MGAT4C: variants seen among roughly 807,000 people sequenced by gnomAD.
MGAT4C encodes alpha-1,3-mannosyl-glycoprotein 4-beta-N-acetylglucosaminyltransferase C.
Under a neutral mutation model 40.1 loss-of-function variants are expected in MGAT4C, and 19 were observed. That is an observed-to-expected ratio of 0.47 (90% CI 0.33 to 0.70). The LOEUF (loss-of-function observed/expected upper bound fraction) is 0.70, where lower values mean the gene tolerates loss of function less well. Ranked by LOEUF, MGAT4C falls within the 30% of genes least tolerant of loss-of-function variation. MGAT4C has a pLI of 0.02. For missense variants in MGAT4C, 491 were observed against 563.2 expected (o/e 0.87, Z 1.30); for synonymous variants, 181 against 187.1 (o/e 0.97, Z 0.27).
intron 2 of MGAT4C, among the ~76,000 whole-genome samples, chr12:86,682,228 G>A (rs533381632): frequency 6.6e-6 from 1 of 152,048 alleles, no homozygotes; most frequent in African/African-American, 2.4e-5. Context: ...AGTAAAACCA[G>A]GCAGTAGATA....
chr12:86,396,584 T>G (rs1222208467), intron 3 of MGAT4C, among the ~76,000 whole-genome samples: 1 of 152,126 alleles, frequency 6.6e-6, no homozygotes, highest in Non-Finnish European at 1.5e-5. Context: ...AAGTATATTT[T>G]CTAAACAAAC....
chr12:86,682,733 A>G (rs528517255), intron 2 of MGAT4C, among the ~76,000 whole-genome samples: 1 of 152,198 alleles, frequency 6.6e-6, no homozygotes, highest in African/African-American at 2.4e-5. Flanking sequence ...CACAGAGAAT[A>G]AATGATTCCA....
At chr12:86,507,124 T>C (rs140340389) in intron 2 of MGAT4C, among the ~76,000 whole-genome samples, 25 of 152,288 alleles carry the variant, frequency 1.6e-4, no homozygotes, top group African/African-American at 6.0e-4. Context: ...TTGCACTAAT[T>C]TTTAACACAA....
At chr12:86,211,406 C>CAAAAAAAAAAAAAAAAA (rs58874795) in intron 1 of MGAT4C, among the ~76,000 whole-genome samples, 1 of 35,514 alleles carries the variant, frequency 2.8e-5, no homozygotes. Context: ...ACTACAAATA[C>CAAAAAAAAAAAAAAAAA]AAAAAAAAAA....
At chr12:86,773,499 T>C (rs1024047752) in intron 1 of MGAT4C, among the ~76,000 whole-genome samples, 38 of 152,256 alleles carry the variant, frequency 2.5e-4, no homozygotes, top group African/African-American at 9.1e-4. Flanking sequence ...CAAACTAATA[T>C]AGAAGGCAAC....
At chr12:86,794,332 C>A (rs1952076107) in intron 1 of MGAT4C, among the ~76,000 whole-genome samples, 1 of 151,512 alleles carries the variant, frequency 6.6e-6, no homozygotes, top group Non-Finnish European at 1.5e-5. Flanking sequence ...TCATGGATAT[C>A]ATCAGAAATT....
In MGAT4C at chr12:86,624,772, G is replaced by T. The variant is rs1007480598; in HGVS notation, c.-229+102437C>A. Among the ~76,000 whole-genome samples the T allele has an allele frequency of 7.2e-5, 11 of 152,086 alleles. No homozygotes were observed. In the South Asian group the frequency reaches 1.0e-3, roughly 14 times the overall value. On this transcript the variant is annotated intron_variant, in intron 2 of 7. Transcript: ENST00000548651. Reference sequence around the variant, plus strand: ...ATAAGAAAAGCACAGACAGAGAAAGGTATGGTCTATGTATGGGGAAAAAAG... The same window carrying T: ...ATAAGAAAAGCACAGACAGAGAAAGTTATGGTCTATGTATGGGGAAAAAAG...
At chr12:86,433,908 G>A (rs1222266604) in intron 3 of MGAT4C, among the ~76,000 whole-genome samples, 3 of 151,918 alleles carry the variant, frequency 2.0e-5, no homozygotes, top group African/African-American at 7.2e-5. Context: ...AATCTATACA[G>A]ATGTTAGGTT....
At chr12:86,740,218 G>A (rs532494592) in intron 1 of MGAT4C, among the ~76,000 whole-genome samples, 2 of 151,132 alleles carry the variant, frequency 1.3e-5, no homozygotes, top group African/African-American at 2.4e-5. Flanking sequence ...AGATTATTAT[G>A]AGAAATGTGG....
intron 1 of MGAT4C, among the ~76,000 whole-genome samples, chr12:86,082,344 A>C (rs1024162546): frequency 6.6e-6 from 1 of 152,150 alleles, no homozygotes; most frequent in Non-Finnish European, 1.5e-5. Flanking sequence ...TCTTTTTAGC[A>C]TTGCTGTGTC....
chr12:86,189,652 C>A (rs573262310), intron 1 of MGAT4C, among the ~76,000 whole-genome samples: 19 of 151,996 alleles, frequency 1.3e-4, no homozygotes, highest in South Asian at 2.1e-4. Context: ...CTTAAAAGCT[C>A]TTTACCTTTG....
intron 3 of MGAT4C, among the ~76,000 whole-genome samples, chr12:86,365,118 A>G (rs1034087208): frequency 2.0e-5 from 3 of 152,114 alleles, no homozygotes; most frequent in African/African-American, 7.2e-5. Flanking sequence ...TGAAGTGGCC[A>G]TTTCAGAGGT....
chr12:86,133,569 A>G (rs1881540902), intron 1 of MGAT4C, among the ~76,000 whole-genome samples: 1 of 152,184 alleles, frequency 6.6e-6, no homozygotes, highest in African/African-American at 2.4e-5. Flanking sequence ...CTGGATTAAT[A>G]ACAGAATTAA....
chr12:86,628,392 A>G (rs986851533), intron 2 of MGAT4C, among the ~76,000 whole-genome samples: 3 of 152,188 alleles, frequency 2.0e-5, no homozygotes, highest in African/African-American at 7.2e-5. Flanking sequence ...GGAAATACAG[A>G]GAACACCACA....
At chr12:86,281,160 T>TTA (rs1953209758) in intron 4 of MGAT4C, among the ~76,000 whole-genome samples, 2 of 152,048 alleles carry the variant, frequency 1.3e-5, no homozygotes, top group Non-Finnish European at 2.9e-5. Flanking sequence ...TCCCTTCTTT[T>TTA]GGTAGTTTTT....
chr12:86,319,764 A>G (rs979648656), intron 4 of MGAT4C, among the ~76,000 whole-genome samples: 1 of 152,190 alleles, frequency 6.6e-6, no homozygotes, highest in African/African-American at 2.4e-5. Flanking sequence ...AGGAAATATT[A>G]TATTAGCATC....
At chr12:86,796,159 G>A (rs187054859) in intron 1 of MGAT4C, among the ~76,000 whole-genome samples, 4 of 142,474 alleles carry the variant, frequency 2.8e-5, no homozygotes, top group Non-Finnish European at 4.6e-5. Flanking sequence ...TTTTTTTCAT[G>A]TCTGCTGTCT....
chr12:86,804,956 T>C (rs1322187286), intron 1 of MGAT4C, among the ~76,000 whole-genome samples: 2 of 152,030 alleles, frequency 1.3e-5, no homozygotes, highest in Non-Finnish European at 2.9e-5. Context: ...ATGTATAAAC[T>C]TCACTTTTGC....
chr12:86,248,404 T>G (rs545965262), intron 1 of MGAT4C, among the ~76,000 whole-genome samples: 2 of 152,006 alleles, frequency 1.3e-5, no homozygotes, highest in Non-Finnish European at 2.9e-5. Flanking sequence ...GATTTTTTTT[T>G]GTTCTTTCCC....
Sources: allele counts gnomAD v4.1 joint callset (sites outside exome capture counted in the v4.1 genomes callset), GRCh38; gene constraint gnomAD v4.1.1; transcripts MANE v1.5; gene names NCBI Gene and HGNC (gene_info 2026-07-23, HGNC 2026-07-21).